Variants in CAGE1 observed in about 807,000 individuals in gnomAD.
CAGE1 encodes cancer-associated gene 1 protein.
In CAGE1, 66 loss-of-function variants were observed where a neutral mutation model predicts 94.9. The observed-to-expected ratio is 0.70, with a 90% confidence interval of 0.57 to 0.85. CAGE1 has a LOEUF of 0.85. Among genes scored for constraint, CAGE1 ranks in the 40% least tolerant of loss-of-function variants. The probability of loss-of-function intolerance (pLI) is 0.00; values close to 1 mark genes in which losing one functional copy is unlikely to be tolerated. For synonymous variants in CAGE1, 319 were observed against 321.0 expected (o/e 0.99, Z 0.07); for missense variants, 865 against 950.4 (o/e 0.91, Z 1.18).
At chr6:7,369,384 C>G (rs1365635317) in intron 6 of CAGE1, among the ~76,000 whole-genome samples, 1 of 151,524 alleles carries the variant, frequency 6.6e-6, no homozygotes, top group Admixed American at 6.6e-5. Flanking sequence ...ATTTCCCCAT[C>G]TTAAAGATAA....
chr6:7,349,671 G>A (rs1759692967), intron 11 of CAGE1, among the ~76,000 whole-genome samples: 1 of 152,104 alleles, frequency 6.6e-6, no homozygotes, highest in African/African-American at 2.4e-5. Context: ...AGTGGCTCAT[G>A]CCTGTAATCC....
intron 12 of CAGE1, chr6:7,331,500 C>A: frequency 2.4e-6 from 1 of 424,586 alleles, no homozygotes; most frequent in Non-Finnish European, 4.4e-6. Flanking sequence ...ACATTTCACA[C>A]CAGTCTCAAT....
In CAGE1 at chr6:7,387,195, T is replaced by G; in HGVS notation, c.-22A>C. On this transcript the variant is annotated splice_region_variant and 5_prime_UTR_variant, in exon 2 of 14. Transcript: ENST00000502583. Reference sequence around the variant, plus strand: ...TCATAACTGTTGAACAATAGAAGACTTCTTTAAAAAAAAAATGTGTCTATT... The same window carrying G: ...TCATAACTGTTGAACAATAGAAGACGTCTTTAAAAAAAAAATGTGTCTATT... 4.0e-6 allele frequency: 6 copies of G among 1,511,768 alleles called. No individual in the cohort carries two copies. The highest frequency in any genetic ancestry group is 5.3e-6 in the Non-Finnish European group (6 of 1,128,066). The allele number at this position is 1,511,768 out of a possible 1,614,324, so 93.6% of individuals were successfully genotyped here. A position where few individuals can be genotyped will look rare whatever the true frequency, so the allele number is the denominator to read the frequency against.
In CAGE1 at chr6:7,372,971, T is replaced by G. The variant is rs1760593648; in HGVS notation, c.1746+102A>C. ...GAGATCTGTTTCTTTCTTTAATAATTCTTTCTGCAAACAAATATAAGTGCC... is the reference window on the plus strand; with the variant it reads ...GAGATCTGTTTCTTTCTTTAATAATGCTTTCTGCAAACAAATATAAGTGCC... On this transcript the variant is annotated intron_variant, in intron 5 of 13. Transcript: ENST00000502583. The G allele has an allele frequency of 4.5e-5, 38 of 851,060 alleles. No homozygotes were observed. The South Asian group carries it at 7.7e-4, about 17-fold the overall frequency. The allele number at this position is 851,060 out of a possible 1,614,324, so 52.7% of individuals were successfully genotyped here.
intron 4 of CAGE1, among the ~76,000 whole-genome samples, chr6:7,375,010 G>A (rs1760684959): frequency 6.6e-6 from 1 of 152,002 alleles, no homozygotes; most frequent in Non-Finnish European, 1.5e-5. Context: ...CTCCAGCCTG[G>A]GCGATAGAGC....
intron 2 of CAGE1, 151 bp downstream of exon 2, chr6:7,386,828 A>C (rs1761137919): frequency 1.6e-6 from 1 of 619,036 alleles, no homozygotes; most frequent in African/African-American, 1.8e-5. Flanking sequence ...CGCTAGCGAA[A>C]CTGGGAAAAC....
At chr6:7,359,427 G>A (rs894974561) in intron 9 of CAGE1, among the ~76,000 whole-genome samples, 4 of 152,154 alleles carry the variant, frequency 2.6e-5, no homozygotes, top group Admixed American at 2.0e-4. Flanking sequence ...CATGTGTACT[G>A]CAGCACAGAG....
rs1759082440 is a variant in CAGE1, at chr6:7,339,326, C to G, written c.2370-5236G>C. On this transcript the variant is annotated intron_variant, in intron 11 of 13. Transcript: ENST00000502583. This position sits in a 1 kb window ranked among gnomAD's most constrained non-coding sequence, Gnocchi z 4.7. ...CTTCAGCATAAAGCTCTACACTGCC[C>G]TCTGGAGAGCCAAACCTCTTCTGAA... The G allele has an allele frequency of 2.5e-6, 4 of 1,600,482 alleles. No individual in the cohort carries two copies. In the Admixed American group the frequency reaches 6.7e-5, roughly 27 times the overall value.
chr6:7,354,874 TAGTCCAGACATTAAGC>T (rs2113408232), intron 11 of CAGE1, among the ~76,000 whole-genome samples, 151 bp downstream of exon 11: 1 of 152,308 alleles, frequency 6.6e-6, no homozygotes, highest in Non-Finnish European at 1.5e-5. Flanking sequence ...ACTGTTGAAG[TAGTCCAGACATTAAGC>T]AGTCTATACC....
intron 3 of CAGE1, 100 bp from the exon 4 acceptor site, chr6:7,379,120 T>G (rs1255555491): frequency 2.9e-6 from 2 of 694,214 alleles, no homozygotes; most frequent in Non-Finnish European, 4.4e-6. Context: ...TGTAGCCACT[T>G]AAAAATTATA....
chr6:7,376,142 C>A lies in CAGE1; in HGVS notation c.688-2011G>T, dbSNP rs1007122439. On this transcript the variant is annotated intron_variant, in intron 4 of 13. Transcript: ENST00000502583. ...TGGTGGCTCACACCTGTAATCCCAGCACTTTGGGAAGCCGAGGCAGGTGGA... is the reference window on the plus strand; with the variant it reads ...TGGTGGCTCACACCTGTAATCCCAGAACTTTGGGAAGCCGAGGCAGGTGGA... Among the ~76,000 whole-genome samples the A allele has an allele frequency of 3.3e-5, 5 of 152,204 alleles. No individual in the cohort carries two copies. The East Asian group carries it at 5.8e-4, about 18-fold the overall frequency.
At chr6:7,352,615 G>A (rs1759823856) in intron 11 of CAGE1, among the ~76,000 whole-genome samples, 1 of 152,124 alleles carries the variant, frequency 6.6e-6, no homozygotes, top group African/African-American at 2.4e-5. Flanking sequence ...GAATAAATCT[G>A]TAGGCATCAC....
intron 11 of CAGE1, among the ~76,000 whole-genome samples, chr6:7,346,407 C>G (rs539980090): frequency 4.0e-5 from 6 of 151,354 alleles, no homozygotes; most frequent in Non-Finnish European, 8.8e-5. Context: ...ATAAAAGTCA[C>G]GCATGGTGGT....
At position 7,329,898 on chromosome 6, in the gene CAGE1, A is replaced by G; in HGVS notation, c.2439-10T>C. The G allele has an allele frequency of 7.4e-7, 1 of 1,343,496 alleles. No individual in the cohort carries two copies. 83.2% of individuals were successfully genotyped at this position (1,343,496 alleles called of 1,614,324 possible). A position where few individuals can be genotyped will look rare whatever the true frequency, so the allele number is the denominator to read the frequency against. ...TTCTAAGCTTTTTGATCTGTAAGAA[A>G]TAGAAAGAAAATAATGTAAAAAGGA... On this transcript the variant is annotated splice_polypyrimidine_tract_variant and intron_variant, in intron 12 of 13. Transcript: ENST00000502583.
intron 9 of CAGE1, 120 bp from the exon 10 acceptor site, chr6:7,356,249 C>T (rs1759949420): frequency 1.6e-6 from 1 of 636,666 alleles, no homozygotes; most frequent in Non-Finnish European, 2.8e-6. Context: ...CTAAACCGAG[C>T]TGTACCGTAG....
In CAGE1 at chr6:7,383,081, G is replaced by C. The variant is rs181124107; in HGVS notation, c.283+2704C>G. ...ACGGTTTTCCCCATGCTGTTCTTGC[G>C]ATAGTTGAGTTCTCACAAGATCTGA... On this transcript the variant is annotated intron_variant, in intron 3 of 13. Transcript: ENST00000502583. Among the ~76,000 whole-genome samples, 211 of 129,460 alleles carry C rather than the reference G, an allele frequency of 1.6e-3. 1 individual carries two copies. The highest frequency in any genetic ancestry group is 5.8e-3 in the African/African-American group (199 of 34,524). The allele number at this position is 129,460 out of a possible 152,430, so 84.9% of individuals were successfully genotyped here. A position where few individuals can be genotyped will look rare whatever the true frequency, so the allele number is the denominator to read the frequency against.
chr6:7,335,922 A>C (rs1297841824), intron 11 of CAGE1, among the ~76,000 whole-genome samples: 1 of 152,186 alleles, frequency 6.6e-6, no homozygotes, highest in African/African-American at 2.4e-5. Context: ...TTTTTACAGA[A>C]TTATCTTCCC....
intron 4 of CAGE1, among the ~76,000 whole-genome samples, chr6:7,376,991 C>T (rs1024543274): frequency 1.1e-4 from 16 of 152,224 alleles, no homozygotes; most frequent in African/African-American, 2.9e-4. Flanking sequence ...GATATAGCAT[C>T]ATAGCATAAA....
chr6:7,352,306 C>CAAAAAAAAAAAAAAAAAAA (rs796943772), intron 11 of CAGE1, among the ~76,000 whole-genome samples: 4 of 103,954 alleles, frequency 3.8e-5, no homozygotes, highest in Non-Finnish European at 5.5e-5. Flanking sequence ...AAAAAAAAAA[C>CAAAAAAAAAAAAAAAAAAA]AAAAAAAAAC....
Sources: allele counts gnomAD v4.1 joint callset (sites outside exome capture counted in the v4.1 genomes callset), GRCh38; gene constraint gnomAD v4.1.1; non-coding constraint Gnocchi (gnomAD v3.1); transcripts MANE v1.5; gene names NCBI Gene and HGNC (gene_info 2026-07-23, HGNC 2026-07-21).